Variants in SKAP2 observed in about 807,000 individuals in gnomAD.
SKAP2 encodes the protein src kinase-associated phosphoprotein 2.
SKAP2 carries 28 observed loss-of-function variants against 54.9 expected under a neutral mutation model. The observed-to-expected ratio is 0.51, with a 90% CI of 0.38 to 0.70. The LOEUF is 0.70. SKAP2 is among the 30% of genes least tolerant of loss of function. The pLI, the probability that SKAP2 is intolerant of heterozygous loss-of-function variation, is 0.00. For missense variants in SKAP2, 356 were observed against 424.1 expected, an observed-to-expected ratio of 0.84 and a Z score of 1.41; for synonymous variants, 137 against 134.3, an observed-to-expected ratio of 1.02 and a Z score of -0.14.
chr7:26,824,812 T>A (rs1245497796), intron 4 of SKAP2, among the ~76,000 whole-genome samples: 1 of 152,212 alleles, frequency 6.6e-6, no homozygotes, highest in Non-Finnish European at 1.5e-5. Flanking sequence ...CCAAATTTGC[T>A]CCATGGGCTG....
rs895968417 is a variant in SKAP2, at chr7:26,816,614, A to G, written c.307+27416T>C. On this transcript the variant is annotated intron_variant, in intron 4 of 12. Coordinates refer to ENST00000345317, the MANE Select transcript of SKAP2 (RefSeq NM_003930.5). The stretch of plus-strand genomic sequence containing the variant: ...AATTCAGACTGTCAATTTTTACAAT[A>G]TAAGTATGTGTTGATGCACTTAATA... Among the ~76,000 whole-genome samples the G allele has an allele frequency of 3.3e-5, 5 of 152,112 alleles. No individual in the cohort carries two copies. The East Asian group carries it at 5.8e-4, about 18-fold the overall frequency.
At chr7:26,766,856 T>C (rs918620797) in intron 4 of SKAP2, among the ~76,000 whole-genome samples, 1 of 152,224 alleles carries the variant, frequency 6.6e-6, no homozygotes, top group South Asian at 2.1e-4. Context: ...GATGTGCTGC[T>C]GGATTCAGTT....
chr7:26,763,053 T>G (rs1030648), intron 4 of SKAP2, among the ~76,000 whole-genome samples: 7,356 of 152,122 alleles, frequency 0.048, 609 homozygotes, highest in African/African-American at 0.17. Context: ...CACTGACCAA[T>G]TGAAGTTTAC....
intron 9 of SKAP2, among the ~76,000 whole-genome samples, chr7:26,695,697 C>T (rs1221656491): frequency 2.0e-5 from 3 of 152,184 alleles, no homozygotes; most frequent in South Asian, 2.1e-4. Context: ...ATCTGAAGAA[C>T]ATCTTAAGCA....
At chr7:26,734,933 C>T (rs1443912195) in intron 6 of SKAP2, among the ~76,000 whole-genome samples, 2 of 152,146 alleles carry the variant, frequency 1.3e-5, no homozygotes, top group Non-Finnish European at 1.5e-5. Context: ...CCAACAAACT[C>T]CTACTCATTC....
intron 4 of SKAP2, among the ~76,000 whole-genome samples, chr7:26,826,028 A>G (rs1038758237): frequency 6.6e-5 from 10 of 151,786 alleles, no homozygotes; most frequent in African/African-American, 2.4e-4. Flanking sequence ...TACCTCCCCA[A>G]ATCTCCATGG....
chr7:26,854,504 T>A (rs6461980), intron 2 of SKAP2, among the ~76,000 whole-genome samples: 1 of 151,820 alleles, frequency 6.6e-6, no homozygotes, highest in Non-Finnish European at 1.5e-5. Context: ...CACCTTTGTC[T>A]TATCATTTAA....
intron 4 of SKAP2, among the ~76,000 whole-genome samples, chr7:26,817,324 C>G (rs1298895312): frequency 1.3e-5 from 2 of 151,790 alleles, no homozygotes; most frequent in Non-Finnish European, 1.5e-5. Context: ...AAAATCAGAA[C>G]AGAAAGACAG....
intron 3 of SKAP2, among the ~76,000 whole-genome samples, chr7:26,847,348 C>A (rs183175784): frequency 2.0e-5 from 3 of 152,148 alleles, no homozygotes; most frequent in Non-Finnish European, 2.9e-5. Context: ...TTTCCTCCCC[C>A]CTAATTTTTT....
chr7:26,775,800 G>T (rs989438156), intron 4 of SKAP2, among the ~76,000 whole-genome samples: 7 of 152,120 alleles, frequency 4.6e-5, no homozygotes, highest in African/African-American at 1.7e-4. Flanking sequence ...AACCTTTAGG[G>T]ATTGACTTTT....
At chr7:26,841,192 CT>C (rs1784810004) in intron 4 of SKAP2, among the ~76,000 whole-genome samples, 2 of 152,146 alleles carry the variant, frequency 1.3e-5, no homozygotes, top group East Asian at 1.9e-4. Flanking sequence ...ACTCTAGTCT[CT>C]CATTGAAATT....
At chr7:26,864,211 C>G (rs1785326361) in intron 1 of SKAP2, 152 bp downstream of exon 1, 2 of 865,502 alleles carry the variant, frequency 2.3e-6, no homozygotes, top group Non-Finnish European at 3.6e-6. Context: ...AAAACAACCC[C>G]TCTCCTCTCC....
chr7:26,784,556 G>A (rs1007935237), intron 4 of SKAP2, among the ~76,000 whole-genome samples: 5 of 152,300 alleles, frequency 3.3e-5, no homozygotes, highest in East Asian at 1.9e-4. Flanking sequence ...TAAAGGTGAT[G>A]AATCATTCAT....
chr7:26,703,345 C>T (rs1787087241), intron 9 of SKAP2, among the ~76,000 whole-genome samples: 1 of 152,166 alleles, frequency 6.6e-6, no homozygotes, highest in Admixed American at 6.5e-5. Context: ...CTTTCTTTTG[C>T]ATAAGGTCTC....
intron 4 of SKAP2, among the ~76,000 whole-genome samples, chr7:26,796,941 A>G (rs1381441226): frequency 6.6e-6 from 1 of 152,198 alleles, no homozygotes; most frequent in Non-Finnish European, 1.5e-5. Flanking sequence ...CTCCTTTACC[A>G]TGAGCAGAGC....
At chr7:26,713,602 T>G (rs1386300134) in intron 9 of SKAP2, among the ~76,000 whole-genome samples, 5 of 116,156 alleles carry the variant, frequency 4.3e-5, no homozygotes, top group South Asian at 2.6e-4. Context: ...TTCTTTTTTG[T>G]TTTTTTTTTT....
intron 11 of SKAP2, 99 bp from the exon 12 acceptor site, chr7:26,670,291 T>C: frequency 1.5e-6 from 1 of 646,414 alleles, no homozygotes; most frequent in Non-Finnish European, 2.8e-6. Flanking sequence ...TTTATAAAGT[T>C]AAAAGAGCTT....
In SKAP2 at chr7:26,806,364, G is replaced by A. The variant is rs577471706; in HGVS notation, c.307+37666C>T. 7.6e-4 allele frequency among the ~76,000 whole-genome samples: 115 copies of A among 152,132 alleles called. 1 individual carries two copies. The South Asian group carries it at 0.016, about 21-fold the overall frequency. ...GCCCAGGAGTTTGAGACTAGCCTGG[G>A]CAATATAGTGAGACCTCATCTCAAT... On this transcript the variant is annotated intron_variant, in intron 4 of 12. Transcript: ENST00000345317.
chr7:26,804,738 CAAAAAAA>C (rs11306463), intron 4 of SKAP2, among the ~76,000 whole-genome samples: 1 of 87,434 alleles, frequency 1.1e-5, no homozygotes, highest in Admixed American at 1.2e-4. Context: ...GACCCCGTCT[CAAAAAAA>C]AAAAAAAAAA....
Sources: gnomAD v4.1 joint callset for allele counts (sites outside exome capture counted in the v4.1 genomes callset) on GRCh38, gnomAD v4.1.1 for gene constraint, MANE v1.5 for transcripts, NCBI Gene and HGNC (gene_info 2026-07-23, HGNC 2026-07-21) for gene names.